The following FRMPD4 variants were observed in gnomAD, a reference collection of about 807,000 sequenced individuals.
FRMPD4 encodes the protein FERM and PDZ domain containing 4, also known as FERM and PDZ domain-containing protein 4.
A neutral mutation model predicts 94.1 loss-of-function variants in FRMPD4; 22 were observed. The observed-to-expected ratio is 0.23, with a 90% CI of 0.17 to 0.33. The LOEUF is 0.33. Ranked by LOEUF, FRMPD4 falls within the 10% of genes least tolerant of loss-of-function variation. The pLI, the probability that FRMPD4 is intolerant of heterozygous loss-of-function variation, is 1.00. For synonymous variants in FRMPD4, 631 were observed against 548.6 expected, an observed-to-expected ratio of 1.15 and a Z score of -2.10; for missense variants, 1,111 against 1,339.9, an observed-to-expected ratio of 0.83 and a Z score of 2.67.
intron 3 of FRMPD4, among the ~76,000 whole-genome samples, chrX:11,905,216 A>G (rs749819523): frequency 2.2e-4 from 25 of 112,083 alleles, no homozygotes; most frequent in Non-Finnish European, 4.3e-4. Context: ...AAAGTTTGGA[A>G]GGATACCTCC....
At chrX:12,569,834 C>T in intron 2 of FRMPD4, among the ~76,000 whole-genome samples, 1 of 111,868 alleles carries the variant, frequency 8.9e-6, no homozygotes, top group East Asian at 2.8e-4. Context: ...TTTAGTGTAT[C>T]TACAGCAGTA....
chrX:12,721,222 G>T lies in FRMPD4; in HGVS notation c.4653G>T (p.Ala1551=). The T allele has an allele frequency of 2.6e-6, 2 of 756,204 alleles. No individual in the cohort carries two copies. Among genetic ancestry groups the T allele is most frequent in the Middle Eastern group, 3.9e-4 (1 of 2,564 alleles). 62.3% of individuals were successfully genotyped at this position (756,204 alleles called of 1,213,427 possible). Residue 1551 remains alanine, a synonymous_variant, in exon 17 of 17, where the codon GCG becomes GCT. Transcript: ENST00000675598. The part of the protein sequence containing the change: ...PEPSSPCLAV[A]IQKQRGELSR... ...CAAGCAGCCCATGCCTGGCTGTGGC[G>T]ATTCAGAAGCAACGAGGGGAGCTAT...
intron 1 of FRMPD4, among the ~76,000 whole-genome samples, chrX:12,300,300 C>G (rs1482808225): frequency 8.9e-6 from 1 of 111,795 alleles, no homozygotes; most frequent in African/African-American, 3.3e-5. Flanking sequence ...GTGTCCCAGT[C>G]CTTACTGATC....
At chrX:12,193,775 G>GAAAGAAAGA (rs1207033585) in intron 1 of FRMPD4, among the ~76,000 whole-genome samples, 13 of 15,164 alleles carry the variant, frequency 8.6e-4, no homozygotes, top group African/African-American at 1.9e-3. Flanking sequence ...AGAAAGAAAG[G>GAAAGAAAGA]AAGGAAGGAA....
chrX:12,704,519 A>T (rs774766594), intron 11 of FRMPD4, 34 bp downstream of exon 11: 1 of 1,010,131 alleles, frequency 9.9e-7, no homozygotes, highest in South Asian at 2.3e-5. Context: ...AAAATTATAA[A>T]GAGAGAGGCT....
chrX:12,253,788 T>C lies in FRMPD4; in HGVS notation c.41+114776T>C, dbSNP rs763700594. On this transcript the variant is annotated intron_variant, in intron 1 of 16. Coordinates refer to ENST00000675598, the MANE Select transcript of FRMPD4 (RefSeq NM_001368397.1). The stretch of plus-strand genomic sequence containing the variant: ...TATCCAGAAAAATAATTTCAAAGAA[T>C]GGGTTGAAATAAATGATATTTTCTA... Among the ~76,000 whole-genome samples, 58 of 111,593 alleles carry C rather than the reference T, an allele frequency of 5.2e-4. 1 individual carries two copies. The highest frequency in any genetic ancestry group is 8.7e-4 in the Non-Finnish European group (46 of 53,044).
chrX:12,074,730 G>T (rs5935235), intron 3 of FRMPD4, among the ~76,000 whole-genome samples: 1,439 of 112,489 alleles, frequency 0.013, 7 homozygotes, highest in South Asian at 0.019. Flanking sequence ...TGTTTTGCTA[G>T]CTTTTCTCCA....
chrX:12,588,122 G>A (rs1051836196), intron 2 of FRMPD4, among the ~76,000 whole-genome samples: 1 of 111,760 alleles, frequency 8.9e-6, no homozygotes, highest in Non-Finnish European at 1.9e-5. Flanking sequence ...CTGAGTAGCT[G>A]GGATTACAGG....
intron 1 of FRMPD4, among the ~76,000 whole-genome samples, chrX:12,469,452 G>A (rs917931826): frequency 1.2e-4 from 13 of 111,125 alleles, no homozygotes; most frequent in Admixed American, 9.6e-4. Context: ...GGGTTTCACC[G>A]TTTGCCCAGG....
chrX:12,200,687 A>T (rs2056620917), intron 1 of FRMPD4, among the ~76,000 whole-genome samples: 1 of 110,940 alleles, frequency 9.0e-6, no homozygotes. Flanking sequence ...TTATGGTGAA[A>T]CTCTGTTATT....
chrX:12,077,535 C>T (rs1479996070), intron 3 of FRMPD4, among the ~76,000 whole-genome samples: 1 of 111,673 alleles, frequency 9.0e-6, no homozygotes, highest in Admixed American at 9.5e-5. Context: ...CAGGCCAAGG[C>T]ATGCCATTTC....
rs2041886641 is a variant in FRMPD4, at chrX:12,706,927, T to TC, written c.1287+12_1287+13insC. The TC allele has an allele frequency of 1.2e-6, 1 of 812,011 alleles. No homozygotes were observed. The highest frequency in any genetic ancestry group is 1.7e-6 in the Non-Finnish European group (1 of 580,895). The allele number at this position is 812,011 out of a possible 1,213,427, so 66.9% of individuals were successfully genotyped here. A position where few individuals can be genotyped will look rare whatever the true frequency, so the allele number is the denominator to read the frequency against. ...AGGCAACATTAGTGGTAATTTCTTT[T>TC]TTTTTTTTTTTTTTGCTTTCTCTTG... On this transcript the variant is annotated intron_variant, in intron 12 of 16. Transcript: ENST00000675598.
chrX:12,331,995 ATTATATATATTTATATACTATATATAAAT>A (rs1218889312), intron 1 of FRMPD4, among the ~76,000 whole-genome samples: 36 of 50,431 alleles, frequency 7.1e-4, no homozygotes, highest in African/African-American at 2.9e-3. Flanking sequence ...CTATATATAA[ATTATATATATTTATATACTATATATAAAT>A]TATATATATT....
At chrX:12,715,782 T>C (rs1006399982) in intron 14 of FRMPD4, among the ~76,000 whole-genome samples, 1 of 112,273 alleles carries the variant, frequency 8.9e-6, no homozygotes, top group Non-Finnish European at 1.9e-5. Context: ...AAGGGTCAGA[T>C]GGAATTAAGC....
At chrX:12,501,638 T>G (rs1426242736) in intron 2 of FRMPD4, among the ~76,000 whole-genome samples, 1 of 111,557 alleles carries the variant, frequency 9.0e-6, no homozygotes, top group Non-Finnish European at 1.9e-5. Flanking sequence ...TCTTGCATAT[T>G]TTTTGAAAGA....
chrX:12,395,593 G>A (rs1273786669), intron 1 of FRMPD4, among the ~76,000 whole-genome samples: 1 of 111,567 alleles, frequency 9.0e-6, no homozygotes, highest in Admixed American at 9.5e-5. Flanking sequence ...TGGGGCTCTA[G>A]AGCCCTTTCT....
intron 4 of FRMPD4, among the ~76,000 whole-genome samples, chrX:12,644,994 A>C (rs775260617): frequency 9.0e-6 from 1 of 111,717 alleles, no homozygotes; most frequent in South Asian, 3.8e-4. Context: ...GATATGCTTA[A>C]AAACATATTT....
intron 4 of FRMPD4, among the ~76,000 whole-genome samples, chrX:12,653,887 C>G (rs1321696218): frequency 8.9e-6 from 1 of 112,240 alleles, no homozygotes; most frequent in Non-Finnish European, 1.9e-5. Context: ...CCTGCCTCAG[C>G]CTCCCAAGTA....
At chrX:12,099,718 C>T (rs2055238073) in intron 3 of FRMPD4, among the ~76,000 whole-genome samples, 1 of 112,035 alleles carries the variant, frequency 8.9e-6, no homozygotes, top group Non-Finnish European at 1.9e-5. Context: ...AATTTCTCTT[C>T]TGAACCATAA....
Sources: allele counts gnomAD v4.1 joint callset (sites outside exome capture counted in the v4.1 genomes callset), GRCh38; gene constraint gnomAD v4.1.1; transcripts MANE v1.5; gene names NCBI Gene and HGNC (gene_info 2026-07-23, HGNC 2026-07-21).